The following FANCA variants were observed in gnomAD, a reference collection of about 807,000 sequenced individuals.
The protein encoded by FANCA is Fanconi anemia group A protein.
A neutral mutation model predicts 194.3 loss-of-function variants in FANCA; 236 were observed. The observed-to-expected ratio is 1.21, with a 90% CI of 1.09 to 1.35. The LOEUF is 1.35. Among genes scored for constraint, FANCA ranks in the 40% most tolerant of loss-of-function variants. The pLI is 0.00. For missense variants in FANCA, 2,628 were observed against 1,813.9 expected (o/e 1.45, Z -8.15); for synonymous variants, 1,014 against 715.8 (o/e 1.42, Z -6.65).
intron 14 of FANCA, chr16:89,790,969 A>ACAGGTGT: frequency 4.1e-6 from 1 of 244,690 alleles, no homozygotes; most frequent in East Asian, 1.0e-4. Flanking sequence ...AACGAGGACT[A>ACAGGTGT]CAGGTGTCTG....
intron 36 of FANCA, chr16:89,744,695 G>C (rs2062205084): frequency 2.0e-6 from 1 of 499,556 alleles, no homozygotes; most frequent in Non-Finnish European, 3.7e-6. Flanking sequence ...TCTGGACAGA[G>C]TCTTGCTCTA....
Position 89,758,599 on chromosome 16 carries a change from C to A in FANCA, c.2959G>T (p.Ala987Ser), listed in dbSNP as rs752735858. ...LQAACTILVN[A>S]LMDFHQSSRS... ...AACCTTTGGTGGAAATCCATCAGTG[C>A]GTTGACAAGAATGGTACACGCAGCC... The change falls in exon 30 of 43, where the codon GCA becomes TCA. Residue 987 changes from alanine to serine, a missense_variant. Coordinates refer to ENST00000389301, the MANE Select transcript of FANCA (RefSeq NM_000135.4). 6.2e-7 allele frequency: 1 copy of A among 1,613,838 alleles called. No homozygotes were observed. Among genetic ancestry groups the A allele is most frequent in the South Asian group, 1.1e-5 (1 of 91,074 alleles).
Position 89,765,038 on chromosome 16 carries a change from G to A in FANCA, c.2630C>T (p.Ser877Leu), listed in dbSNP as rs759682900. The A allele has an allele frequency of 1.2e-6, 2 of 1,614,242 alleles. No homozygotes were observed. The highest frequency in any genetic ancestry group is 2.2e-5 in the South Asian group (2 of 91,076). Residue 877 changes from serine to leucine, a missense_variant, in exon 28 of 43, where the codon TCA becomes TTA. Ser to Leu is a moderately radical substitution (Grantham distance 145). Coordinates refer to ENST00000389301, the MANE Select transcript of FANCA (RefSeq NM_000135.4). ...CTCAGAAAGAGGCTGTCGGGCCTCT[G>A]AGAACAATCTGAACATGAGGAACTG... ...KFQFLMFRLFSEARQPLSEED... is the reference protein window; with the variant it reads ...KFQFLMFRLFLEARQPLSEED...
intron 15 of FANCA, among the ~76,000 whole-genome samples, chr16:89,783,918 C>T (rs1249808708): frequency 1.3e-5 from 2 of 152,160 alleles, no homozygotes; most frequent in Non-Finnish European, 2.9e-5. Flanking sequence ...CGCGCTACCA[C>T]GCCCGGCTAA....
chr16:89,748,481 G>A lies in FANCA; in HGVS notation c.3348+178C>T, dbSNP rs17227113. ...CTGGTTTGGTGATGTGCTGGTCGCC[G>A]TCCTGGCTGTGGGTGGGGTCCTCCC... is the stretch of plus-strand genomic sequence containing the variant. On this transcript the variant is annotated intron_variant, in intron 33 of 42. Coordinates refer to ENST00000389301, the MANE Select transcript of FANCA (RefSeq NM_000135.4). 3.0e-3 allele frequency among the ~76,000 whole-genome samples: 461 copies of A among 152,360 alleles called. 3 individuals carry two copies. In the South Asian group the frequency reaches 0.042, roughly 14 times the overall value.
At chr16:89,811,388 G>A (rs556761606) in intron 3 of FANCA, among the ~76,000 whole-genome samples, 1 of 152,326 alleles carries the variant, frequency 6.6e-6, no homozygotes, top group Non-Finnish European at 1.5e-5. Flanking sequence ...TTACAAAGGA[G>A]CACAATAAAT....
At position 89,799,695 on chromosome 16, in the gene FANCA, C is replaced by T. The variant is rs1598165861; in HGVS notation, c.793-57G>A. 4 of 1,367,748 alleles carry T rather than the reference C, an allele frequency of 2.9e-6. No individual in the cohort carries two copies. In the East Asian group the frequency reaches 6.9e-5, roughly 24 times the overall value. 84.7% of individuals were successfully genotyped at this position (1,367,748 alleles called of 1,614,324 possible). On this transcript the variant is annotated intron_variant, in intron 8 of 42. Coordinates refer to ENST00000389301, the MANE Select transcript of FANCA (RefSeq NM_000135.4). ...GTAATCTTCTGTAATTTGTGTGATACCTGCATCACACAAGAGAATTATTAC... is the reference window on the plus strand; with the variant it reads ...GTAATCTTCTGTAATTTGTGTGATATCTGCATCACACAAGAGAATTATTAC...
intron 28 of FANCA, among the ~76,000 whole-genome samples, chr16:89,763,253 A>G (rs934479022): frequency 6.6e-6 from 1 of 152,132 alleles, no homozygotes; most frequent in African/African-American, 2.4e-5. Context: ...TCTCCAAAAA[A>G]AAAAATAATA....
intron 14 of FANCA, among the ~76,000 whole-genome samples, chr16:89,785,992 G>A (rs1217874735): frequency 6.8e-6 from 1 of 147,154 alleles, no homozygotes; most frequent in Non-Finnish European, 1.5e-5. Flanking sequence ...TGAGATTACA[G>A]GCATTTGCTA....
chr16:89,765,831 AC>A (rs1295035703), intron 27 of FANCA, among the ~76,000 whole-genome samples: 1 of 152,194 alleles, frequency 6.6e-6, no homozygotes. Flanking sequence ...GGCACCAGGG[AC>A]AAAGTTCCTC....
At chr16:89,744,532 G>A (rs571436074) in intron 36 of FANCA, among the ~76,000 whole-genome samples, 5 of 152,204 alleles carry the variant, frequency 3.3e-5, no homozygotes, top group Non-Finnish European at 5.9e-5. Context: ...CTACCAGCAC[G>A]CGGTGCACTC....
At chr16:89,783,260 T>C (rs917958784) in intron 15 of FANCA, among the ~76,000 whole-genome samples, 158 bp from the exon 16 acceptor site, 5 of 151,978 alleles carry the variant, frequency 3.3e-5, no homozygotes, top group Non-Finnish European at 7.4e-5. Flanking sequence ...TTAGTAAAAT[T>C]AAAACACAAG....
At chr16:89,743,888 G>T (rs1385521946) in intron 36 of FANCA, among the ~76,000 whole-genome samples, 1 of 151,272 alleles carries the variant, frequency 6.6e-6, no homozygotes, top group Non-Finnish European at 1.5e-5. Flanking sequence ...ATTAGAACTG[G>T]AGGTGTGACC....
At chr16:89,809,506 G>T (rs1345938937) in intron 5 of FANCA, among the ~76,000 whole-genome samples, 2 of 152,078 alleles carry the variant, frequency 1.3e-5, no homozygotes, top group African/African-American at 4.8e-5. Context: ...CTGAGGTCAG[G>T]AATTGAAGAC....
rs148029157 is a variant in FANCA at position 89,811,423 on chromosome 16, A to G, written c.284-352T>C. Reference sequence around the variant, plus strand: ...TTGAGAACTGCAGCAGGCTCTTTCAATTACATTGTTTTTCTAATTACTTCA... The same window carrying G: ...TTGAGAACTGCAGCAGGCTCTTTCAGTTACATTGTTTTTCTAATTACTTCA... On this transcript the variant is annotated intron_variant, in intron 3 of 42. Transcript: ENST00000389301. Among the ~76,000 whole-genome samples, 279 of 152,346 alleles carry G rather than the reference A, an allele frequency of 1.8e-3. 2 individuals are homozygous for G. Among genetic ancestry groups the G allele is most frequent in the South Asian group, 5.2e-3 (25 of 4,830 alleles).
In FANCA at chr16:89,740,118, C is replaced by A. The variant is rs2062091493; in HGVS notation, c.3829-19G>T. The A allele has an allele frequency of 6.2e-7, 1 of 1,607,934 alleles. No homozygotes were observed. The highest frequency in any genetic ancestry group is 8.5e-7 in the Non-Finnish European group (1 of 1,174,684). On this transcript the variant is annotated intron_variant, in intron 38 of 42. Coordinates refer to ENST00000389301, the MANE Select transcript of FANCA (RefSeq NM_000135.4). Reference sequence around the variant, plus strand: ...TGGTGCTCTGTAAACCGCAGGAGACCAACCCTGAGAATGGCCGACCTGGTG... The same window carrying A: ...TGGTGCTCTGTAAACCGCAGGAGACAAACCCTGAGAATGGCCGACCTGGTG...
chr16:89,804,492 T>C (rs1423829370), intron 7 of FANCA, among the ~76,000 whole-genome samples: 1 of 151,970 alleles, frequency 6.6e-6, no homozygotes, highest in Non-Finnish European at 1.5e-5. Flanking sequence ...ACCCAACTAC[T>C]CCTCAAGCTG....
intron 2 of FANCA, 106 bp from the exon 3 acceptor site, chr16:89,814,719 G>A (rs984339182): frequency 1.0e-5 from 8 of 783,566 alleles, no homozygotes; most frequent in South Asian, 1.4e-5. Flanking sequence ...GAGATGGGCA[G>A]ATCACGAGGT....
chr16:89,775,925 A>T, intron 20 of FANCA, 110 bp from the exon 21 acceptor site: 1 of 647,368 alleles, frequency 1.5e-6, no homozygotes, highest in Non-Finnish European at 2.6e-6. Context: ...TAAATAAATT[A>T]TAAATACTGT....
Sources: gnomAD v4.1 joint callset for allele counts (sites outside exome capture counted in the v4.1 genomes callset) on GRCh38, gnomAD v4.1.1 for gene constraint, MANE v1.5 for transcripts, NCBI Gene and HGNC (gene_info 2026-07-23, HGNC 2026-07-21) for gene names.